Variants in HERC5 observed in about 807,000 individuals in gnomAD.
HERC5 encodes the protein E3 ISG15--protein ligase HERC5.
A neutral mutation model predicts 119.6 loss-of-function variants in HERC5; 99 were observed. The ratio of observed to expected loss-of-function variants is 0.83; its 90% confidence interval spans 0.70 to 0.98. HERC5 has a LOEUF of 0.98. Ranked by LOEUF, HERC5 falls within the 50% of genes least tolerant of loss-of-function variation. HERC5 has a pLI of 0.00. For synonymous variants in HERC5, 478 were observed against 445.9 expected (o/e 1.07, Z -0.91); for missense variants, 1,267 against 1,241.3 (o/e 1.02, Z -0.31).
At chr4:88,478,060 TAACTGTAAAGG>T (rs1741145412) in intron 12 of HERC5, among the ~76,000 whole-genome samples, 2 of 152,224 alleles carry the variant, frequency 1.3e-5, no homozygotes, top group South Asian at 4.1e-4. Context: ...GTAGTTGTAT[TAACTGTAAAGG>T]AACTTTTCCA....
intron 16 of HERC5, among the ~76,000 whole-genome samples, chr4:88,492,787 A>G (rs1741687462): frequency 6.6e-6 from 1 of 152,122 alleles, no homozygotes; most frequent in South Asian, 2.1e-4. Flanking sequence ...GCACCACCTG[A>G]CTATTGTATA....
At chr4:88,483,475 A>G (rs1741351386) in intron 13 of HERC5, among the ~76,000 whole-genome samples, 1 of 149,616 alleles carries the variant, frequency 6.7e-6, no homozygotes, top group South Asian at 2.1e-4. Flanking sequence ...GGTCTCCCGA[A>G]GTGCAAGGAT....
At chr4:88,503,933 G>A (rs1434668743) in intron 20 of HERC5, among the ~76,000 whole-genome samples, 2 of 152,066 alleles carry the variant, frequency 1.3e-5, no homozygotes, top group African/African-American at 4.8e-5. Context: ...TGGGCATGGT[G>A]GCAGGCACGT....
chr4:88,477,439 C>T (rs113470579), intron 12 of HERC5, among the ~76,000 whole-genome samples: 13 of 36,322 alleles, frequency 3.6e-4, no homozygotes, highest in Admixed American at 3.5e-3. Flanking sequence ...GGGAAAGGGA[C>T]GGGGAGGGGA....
At position 88,467,174 on chromosome 4, in the gene HERC5, A is replaced by C. The variant is rs752839723; in HGVS notation, c.1027A>C (p.Lys343Gln). 2.5e-6 allele frequency: 4 copies of C among 1,614,214 alleles called. No homozygotes were observed. The highest frequency in any genetic ancestry group is 1.7e-5 in the Admixed American group (1 of 60,026). The stretch of plus-strand genomic sequence containing the variant: ...TGACCAGCTGATGCCGCTTCCAGTG[A>C]AAGTATCATCAAGTGAAGAACTCAA... ...TRDQLMPLPV[K>Q]VSSSEELKLE... The change falls in exon 7 of 23, where the codon AAA (lysine) becomes CAA (glutamine). Residue 343 changes from lysine (K) to glutamine (Q), a missense_variant. By Grantham distance (53) the Lys-to-Gln change is moderately conservative. This residue lies in a region of HERC5 where 777 missense variants were observed against 758.0 expected (regional missense o/e 1.03). Coordinates refer to ENST00000264350, the MANE Select transcript of HERC5 (RefSeq NM_016323.4).
At position 88,466,500 on chromosome 4, in the gene HERC5, C is replaced by T. The variant is rs543095179; in HGVS notation, c.912-559C>T. On this transcript the variant is annotated intron_variant, in intron 6 of 22. Transcript: ENST00000264350. ...ATTTACATCACAGGCCAGGAGAGCT[C>T]TCCCAGGATCCTGCCATGAATAATA... 5.3e-5 allele frequency among the ~76,000 whole-genome samples: 8 copies of T among 152,294 alleles called. No homozygotes were observed. In the South Asian group the frequency reaches 1.4e-3, roughly 28 times the overall value.
chr4:88,489,109 A>G lies in HERC5; in HGVS notation c.1963-57A>G, dbSNP rs931333050. ...AGTTTATTCTGCTTTCCAAATTTTTACTTAGAGAGGGCCAATGGTAAAATG... is the reference window on the plus strand; with the variant it reads ...AGTTTATTCTGCTTTCCAAATTTTTGCTTAGAGAGGGCCAATGGTAAAATG... On this transcript the variant is annotated intron_variant, in intron 15 of 22. Coordinates refer to ENST00000264350, the MANE Select transcript of HERC5 (RefSeq NM_016323.4). 62 of 1,470,116 alleles carry G rather than the reference A, an allele frequency of 4.2e-5. No homozygotes were observed. The Middle Eastern group carries it at 1.1e-3, about 25-fold the overall frequency. The allele number at this position is 1,470,116 out of a possible 1,614,324, so 91.1% of individuals were successfully genotyped here.
rs1195249693 is a variant in HERC5, at chr4:88,458,966, C to G, written c.266-381C>G. 2.6e-5 allele frequency among the ~76,000 whole-genome samples: 4 copies of G among 152,094 alleles called. No homozygotes were observed. In the East Asian group the frequency reaches 5.8e-4, roughly 22 times the overall value. On this transcript the variant is annotated intron_variant, in intron 1 of 22. Transcript: ENST00000264350. Reference sequence around the variant, plus strand: ...AGAAAGGAATGTGTTTCAGAATACACTATTTGTTCTTGAAATGAGATTATG... The same window carrying G: ...AGAAAGGAATGTGTTTCAGAATACAGTATTTGTTCTTGAAATGAGATTATG...
At position 88,475,913 on chromosome 4, in the gene HERC5, A is replaced by G. The variant is rs1741048770; in HGVS notation, c.1465A>G (p.Ile489Val). 1 of 1,613,950 alleles carries G rather than the reference A, an allele frequency of 6.2e-7. No homozygotes were observed. The highest frequency in any genetic ancestry group is 8.5e-7 in the Non-Finnish European group (1 of 1,179,958). ...TTCTCCACCCCAAGAAGCTTTAGAA[A>G]TTTTCTTCCTTCTCCCAGAATGTCC... is the stretch of plus-strand genomic sequence containing the variant. ...FHSPPQEALEIFFLLPECPMM... is the reference protein window; with the variant it reads ...FHSPPQEALEVFFLLPECPMM... The change falls in exon 12 of 23, where the codon ATT becomes GTT. Residue 489 changes from isoleucine (I) to valine (V), a missense_variant. This residue lies in a region of HERC5 where 777 missense variants were observed against 758.0 expected (regional missense o/e 1.03). Coordinates refer to ENST00000264350, the MANE Select transcript of HERC5 (RefSeq NM_016323.4).
intron 13 of HERC5, among the ~76,000 whole-genome samples, chr4:88,485,670 C>A (rs903112407): frequency 6.6e-6 from 1 of 152,072 alleles, no homozygotes; most frequent in African/African-American, 2.4e-5. Context: ...GTCATAATAA[C>A]CCTGATCATA....
intron 17 of HERC5, among the ~76,000 whole-genome samples, chr4:88,493,570 G>T (rs1445906384): frequency 6.6e-6 from 1 of 152,010 alleles, no homozygotes; most frequent in Non-Finnish European, 1.5e-5. Context: ...CAAAACTGTG[G>T]CAGGGATTTA....
chr4:88,468,211 GA>G, intron 7 of HERC5, 134 bp from the exon 8 acceptor site: 1 of 628,940 alleles, frequency 1.6e-6, no homozygotes. Flanking sequence ...TTAATTGGCA[GA>G]AAATGTACTA....
intron 13 of HERC5, 95 bp downstream of exon 13, chr4:88,479,602 A>G: frequency 2.0e-6 from 2 of 994,102 alleles, no homozygotes; most frequent in Non-Finnish European, 2.8e-6. Context: ...CTCGTGTGAG[A>G]CATACGAAGT....
chr4:88,504,227 T>G lies in HERC5; in HGVS notation c.2583-5T>G, dbSNP rs375752991. Reference sequence around the variant, plus strand: ...AAGTGGAAATAACATTTTGTTTTATTAAAGGAGAGACTATGTTTCTAAGTA... The same window carrying G: ...AAGTGGAAATAACATTTTGTTTTATGAAAGGAGAGACTATGTTTCTAAGTA... On this transcript the variant is annotated splice_polypyrimidine_tract_variant and splice_region_variant and intron_variant, in intron 20 of 22. Coordinates refer to ENST00000264350, the MANE Select transcript of HERC5 (RefSeq NM_016323.4). The G allele has an allele frequency of 1.5e-5, 24 of 1,562,874 alleles. No individual in the cohort carries two copies. The highest frequency in any genetic ancestry group is 2.1e-5 in the Non-Finnish European group (24 of 1,142,300).
chr4:88,478,396 T>A (rs1741157046), intron 12 of HERC5, among the ~76,000 whole-genome samples: 1 of 152,090 alleles, frequency 6.6e-6, no homozygotes, highest in South Asian at 2.1e-4. Context: ...GAAGGTCAAA[T>A]ATGCAGAGAT....
At chr4:88,488,661 C>G (rs1307867865) in intron 15 of HERC5, among the ~76,000 whole-genome samples, 1 of 152,044 alleles carries the variant, frequency 6.6e-6, no homozygotes, top group Non-Finnish European at 1.5e-5. Flanking sequence ...GGTAAATTCT[C>G]CCTTAAAATC....
intron 6 of HERC5, 123 bp downstream of exon 6, chr4:88,464,108 T>A: frequency 1.4e-6 from 1 of 702,252 alleles, no homozygotes; most frequent in Non-Finnish European, 2.2e-6. Context: ...TGAAAATGCT[T>A]AATTTATATT....
At chr4:88,470,455 C>A (rs1042578084) in intron 9 of HERC5, among the ~76,000 whole-genome samples, 159 bp from the exon 10 acceptor site, 1 of 152,052 alleles carries the variant, frequency 6.6e-6, no homozygotes, top group Non-Finnish European at 1.5e-5. Flanking sequence ...CTTTTAGAAG[C>A]CAAGCCAAGG....
rs1309196843 is a variant in HERC5 at position 88,505,854 on chromosome 4, C to G, written c.3051C>G (p.Ile1017Met). 3 of 1,611,618 alleles carry G rather than the reference C, an allele frequency of 1.9e-6. No homozygotes were observed. Among genetic ancestry groups the G allele is most frequent in the Non-Finnish European group, 1.7e-6 (2 of 1,178,960 alleles). ...ETVEEALQEAINNNRGFG is the reference protein window; with the variant it reads ...ETVEEALQEAMNNNRGFG ...TTGAAGAAGCGCTTCAAGAAGCCAT[C>G]AACAACAACAGAGGATTTGGCTGAC... Residue 1017 changes from isoleucine (I) to methionine (M), a missense_variant, in exon 23 of 23, where the codon ATC becomes ATG. Coordinates refer to ENST00000264350, the MANE Select transcript of HERC5 (RefSeq NM_016323.4).
Sources: allele counts gnomAD v4.1 joint callset (sites outside exome capture counted in the v4.1 genomes callset), GRCh38; gene constraint gnomAD v4.1.1; regional missense constraint gnomAD v4.1.1; transcripts MANE v1.5; gene names NCBI Gene and HGNC (gene_info 2026-07-23, HGNC 2026-07-21).